Variants in TRHDE observed in about 807,000 individuals in gnomAD.
TRHDE encodes the protein thyrotropin releasing hormone degrading enzyme.
A neutral mutation model predicts 125.7 loss-of-function variants in TRHDE; 72 were observed. The ratio of observed to expected loss-of-function variants is 0.57; its 90% CI spans 0.47 to 0.70. The LOEUF (loss-of-function observed/expected upper bound fraction) is 0.70. Ranked by LOEUF, TRHDE falls within the 30% of genes least tolerant of loss-of-function variation. The pLI, the probability that TRHDE is intolerant of heterozygous loss-of-function variation, is 0.00. For missense variants in TRHDE, 1,110 were observed against 1,327.1 expected (o/e 0.84, Z 2.54); for synonymous variants, 509 against 509.1 (o/e 1.00, Z 0.00).
intron 3 of TRHDE, among the ~76,000 whole-genome samples, chr12:72,425,199 C>T (rs2135832438): frequency 6.6e-6 from 1 of 152,222 alleles, no homozygotes; most frequent in South Asian, 2.1e-4. Flanking sequence ...AAAATGTTGG[C>T]ATGCCATTGG....
At chr12:72,601,895 G>A (rs572109824) in intron 12 of TRHDE, among the ~76,000 whole-genome samples, 3 of 152,076 alleles carry the variant, frequency 2.0e-5, no homozygotes, top group South Asian at 2.1e-4. Context: ...GCTTTATTGC[G>A]GTATTCTGAA....
chr12:72,414,704 G>A (rs1159884263), intron 3 of TRHDE, among the ~76,000 whole-genome samples: 2 of 152,038 alleles, frequency 1.3e-5, no homozygotes, highest in African/African-American at 4.8e-5. Flanking sequence ...TTTGTATAGT[G>A]TTTCATTTTG....
intron 6 of TRHDE, among the ~76,000 whole-genome samples, chr12:72,510,675 TTAGAAGTAAGTAA>T (rs1878546663): frequency 1.3e-5 from 2 of 152,174 alleles, no homozygotes; most frequent in African/African-American, 2.4e-5. Context: ...AATGTCTTAT[TTAGAAGTAAGTAA>T]CATACTAGCA....
chr12:72,568,437 A>C, intron 9 of TRHDE, 131 bp from the exon 10 acceptor site: 1 of 509,242 alleles, frequency 2.0e-6, no homozygotes. Context: ...TACTTTTGTG[A>C]CCGGAATTAT....
At chr12:72,529,537 A>G (rs1337717842) in intron 6 of TRHDE, among the ~76,000 whole-genome samples, 5 of 152,172 alleles carry the variant, frequency 3.3e-5, no homozygotes, top group African/African-American at 1.2e-4. Flanking sequence ...ATATGTAAAA[A>G]GCACAGTTTA....
chr12:72,576,713 C>A (rs1186191957), intron 12 of TRHDE, among the ~76,000 whole-genome samples: 3 of 152,080 alleles, frequency 2.0e-5, no homozygotes, highest in Non-Finnish European at 4.4e-5. Flanking sequence ...AAATAAAAAA[C>A]ATTGCTAATA....
chr12:72,322,127 A>G (rs1253700155), intron 2 of TRHDE, among the ~76,000 whole-genome samples: 1 of 152,136 alleles, frequency 6.6e-6, no homozygotes, highest in African/African-American at 2.4e-5. Flanking sequence ...TGGTGCTTTC[A>G]TGGTCACTCA....
At chr12:72,272,332 G>C (rs566308587), upstream of TRHDE, 885 of 360,984 alleles carry the variant, frequency 2.5e-3, 7 homozygotes, top group African/African-American at 0.017. The surrounding 1 kb of genome is among the most constrained non-coding windows in gnomAD (Gnocchi z 6.7). Flanking sequence ...GCGCGCAGGG[G>C]CGGGGGCAGC....
At chr12:72,514,960 C>T (rs1230700217) in intron 6 of TRHDE, among the ~76,000 whole-genome samples, 2 of 150,150 alleles carry the variant, frequency 1.3e-5, no homozygotes, top group Middle Eastern at 3.5e-3. Context: ...CTACAAAGGA[C>T]ATGAACTCAT....
At chr12:72,264,922 A>C (rs984469451) in intron 2 of TRHDE, among the ~76,000 whole-genome samples, 7 of 151,208 alleles carry the variant, frequency 4.6e-5, no homozygotes, top group African/African-American at 1.5e-4. Flanking sequence ...TTTTTAATAG[A>C]GACTGTTCTA....
chr12:72,189,803 G>A (rs1877302190), intron 2 of TRHDE, among the ~76,000 whole-genome samples: 1 of 152,108 alleles, frequency 6.6e-6, no homozygotes, highest in African/African-American at 2.4e-5. Flanking sequence ...GAGAGTGGGA[G>A]TAAGAGAAGA....
At chr12:72,474,984 T>A (rs1592472765) in intron 5 of TRHDE, among the ~76,000 whole-genome samples, 2 of 152,286 alleles carry the variant, frequency 1.3e-5, no homozygotes, top group East Asian at 3.9e-4. Context: ...CTTGCACAAA[T>A]CTACAAGATA....
chr12:72,643,041 G>A (rs181861987), intron 15 of TRHDE, among the ~76,000 whole-genome samples: 303 of 152,170 alleles, frequency 2.0e-3, no homozygotes, highest in Non-Finnish European at 2.3e-3. Flanking sequence ...TGGCATATCC[G>A]GTGCTTACCA....
At chr12:72,517,229 C>T (rs1296809340) in intron 6 of TRHDE, among the ~76,000 whole-genome samples, 1 of 151,344 alleles carries the variant, frequency 6.6e-6, no homozygotes, top group African/African-American at 2.4e-5. Flanking sequence ...GTACCAGTTC[C>T]TCCTTGTACC....
At chr12:72,240,305 TTATATATA>T (rs56969276) in intron 2 of TRHDE, among the ~76,000 whole-genome samples, 1 of 111,362 alleles carries the variant, frequency 9.0e-6, no homozygotes, top group South Asian at 2.9e-4. Context: ...TTCTCACATT[TTATATATA>T]TATATATATA....
At chr12:72,435,376 T>C (rs1276334721) in intron 3 of TRHDE, among the ~76,000 whole-genome samples, 1 of 152,128 alleles carries the variant, frequency 6.6e-6, no homozygotes, top group Non-Finnish European at 1.5e-5. Context: ...TTCATTGGCA[T>C]TGGTGTTCTT....
At position 72,591,890 on chromosome 12, in the gene TRHDE, AT is replaced by A. The variant is rs534782747; in HGVS notation, c.2321+16355del. Among the ~76,000 whole-genome samples, 318 of 151,440 alleles carry A rather than the reference AT, an allele frequency of 2.1e-3. 1 individual carries two copies. The highest frequency in any genetic ancestry group is 6.7e-3 in the African/African-American group (276 of 41,310). ...CCATTATTTCTGTATGCAATTGTAT[AT>A]TTTTTTCCTCCTGTATTCAAAGTGT... is the stretch of plus-strand genomic sequence containing the variant. On this transcript the variant is annotated intron_variant, in intron 12 of 18. Transcript: ENST00000261180.
At chr12:72,097,061 C>T (rs1874940673) in intron 1 of TRHDE, among the ~76,000 whole-genome samples, 1 of 152,180 alleles carries the variant, frequency 6.6e-6, no homozygotes, top group Admixed American at 6.5e-5. Flanking sequence ...CACCTTCATA[C>T]CTGAGTTTGG....
intron 12 of TRHDE, among the ~76,000 whole-genome samples, chr12:72,595,445 A>G (rs1439981096): frequency 6.6e-6 from 1 of 152,138 alleles, no homozygotes; most frequent in East Asian, 1.9e-4. Flanking sequence ...GTCATTAAAG[A>G]TAAGCAGATT....
Sources: gnomAD v4.1 joint callset for allele counts (sites outside exome capture counted in the v4.1 genomes callset) on GRCh38, gnomAD v4.1.1 for gene constraint, Gnocchi (gnomAD v3.1) non-coding constraint, MANE v1.5 for transcripts, NCBI Gene and HGNC (gene_info 2026-07-23, HGNC 2026-07-21) for gene names.